Variants in SPMAP2L observed in about 807,000 individuals in gnomAD.
The protein encoded by SPMAP2L is sperm microtubule associated protein 2 like.
chr4:56,548,790 C>G, the SPMAP2L span: 2 of 1,490,568 alleles, frequency 1.3e-6, no homozygotes, highest in Non-Finnish European at 1.8e-6. Context: ...TTTCTTTTAG[C>G]AAATCCTGTT....
chr4:56,572,921 CAGG>C, the SPMAP2L span, among the ~76,000 whole-genome samples: 2 of 151,394 alleles, frequency 1.3e-5, no homozygotes, highest in Non-Finnish European at 1.5e-5. Context: ...GAAGCTGAGG[CAGG>C]AGAATTCCTT....
the SPMAP2L span, among the ~76,000 whole-genome samples, chr4:56,590,843 A>T: frequency 2.7e-3 from 412 of 152,348 alleles, 7 homozygotes; most frequent in East Asian, 0.052. Flanking sequence ...GAGAGGACAG[A>T]CAGCTTTATT....
the SPMAP2L span, among the ~76,000 whole-genome samples, chr4:56,590,083 T>G: frequency 6.6e-6 from 1 of 152,170 alleles, no homozygotes; most frequent in African/African-American, 2.4e-5. Context: ...TGGGCATCCT[T>G]GTATTGTTTC....
chr4:56,582,687 A>G, the SPMAP2L span, among the ~76,000 whole-genome samples: 1 of 152,218 alleles, frequency 6.6e-6, no homozygotes, highest in South Asian at 2.1e-4. Flanking sequence ...TAGAGTTATT[A>G]TATAAGCCAG....
chr4:56,544,323 A>G, the SPMAP2L span, among the ~76,000 whole-genome samples: 7 of 152,158 alleles, frequency 4.6e-5, no homozygotes, highest in African/African-American at 1.7e-4. Flanking sequence ...CTTTGTTGAG[A>G]AAATAAAGCA....
the SPMAP2L span, among the ~76,000 whole-genome samples, chr4:56,608,451 C>G: frequency 2.0e-5 from 3 of 152,288 alleles, no homozygotes; most frequent in East Asian, 5.8e-4. Flanking sequence ...AGAATGACCC[C>G]TAAGGTATTT....
At chr4:56,602,078 T>A in the SPMAP2L span, among the ~76,000 whole-genome samples, 2 of 152,146 alleles carry the variant, frequency 1.3e-5, no homozygotes, top group Non-Finnish European at 2.9e-5. Context: ...ATCATGTACG[T>A]GTATGGCCTA....
the SPMAP2L span, among the ~76,000 whole-genome samples, chr4:56,608,458 A>G: frequency 6.6e-6 from 1 of 152,144 alleles, no homozygotes; most frequent in Non-Finnish European, 1.5e-5. Context: ...CCCCTAAGGT[A>G]TTTTGGAGAT....
the SPMAP2L span, among the ~76,000 whole-genome samples, chr4:56,619,553 C>T: frequency 0.032 from 4,822 of 152,234 alleles, 160 homozygotes; most frequent in African/African-American, 0.081. Context: ...TCCATATTGT[C>T]GCATGAGGCA....
chr4:56,567,916 T>G, the SPMAP2L span, among the ~76,000 whole-genome samples: 1 of 152,076 alleles, frequency 6.6e-6, no homozygotes, highest in African/African-American at 2.4e-5. Context: ...CTTTCAGTTA[T>G]TATTATTTCA....
chr4:56,578,961 A>G, the SPMAP2L span, among the ~76,000 whole-genome samples: 153 of 152,150 alleles, frequency 1.0e-3, no homozygotes, highest in African/African-American at 3.5e-3. Flanking sequence ...AACTATAAAC[A>G]TACATGCACC....
the SPMAP2L span, among the ~76,000 whole-genome samples, chr4:56,611,859 C>A: frequency 6.6e-6 from 1 of 152,156 alleles, no homozygotes; most frequent in African/African-American, 2.4e-5. Context: ...TAGTTAACCC[C>A]CTTCAACTTC....
the SPMAP2L span, chr4:56,594,899 T>TTCACAAGACCCAAATGTCTTCA: frequency 1.9e-6 from 3 of 1,611,364 alleles, no homozygotes; most frequent in Middle Eastern, 2.0e-4. Flanking sequence ...GTCTGATGTC[T>TTCACAAGACCCAAATGTCTTCA]CGCACCTAAA....
the SPMAP2L span, chr4:56,596,618 T>G: frequency 6.6e-7 from 1 of 1,523,118 alleles, no homozygotes; most frequent in East Asian, 2.5e-5. Context: ...AGAAGTGAAC[T>G]GCCCATCCGT....
At chr4:56,547,847 A>G in the SPMAP2L span, among the ~76,000 whole-genome samples, 2 of 152,176 alleles carry the variant, frequency 1.3e-5, no homozygotes, top group Non-Finnish European at 2.9e-5. Flanking sequence ...AAAAAACAAA[A>G]AAACCCAGCT....
the SPMAP2L span, chr4:56,530,720 TGACCGATG>T: frequency 6.5e-7 from 1 of 1,535,244 alleles, no homozygotes. Context: ...CCGTCCGAGG[TGACCGATG>T]GGCAGGTCTC....
At chr4:56,545,648 G>A in the SPMAP2L span, among the ~76,000 whole-genome samples, 1 of 150,402 alleles carries the variant, frequency 6.6e-6, no homozygotes, top group Non-Finnish European at 1.5e-5. Flanking sequence ...TTGAACTGGG[G>A]AGGTGGAGGT....
chr4:56,594,150 C>T, the SPMAP2L span: 1 of 1,611,646 alleles, frequency 6.2e-7, no homozygotes, highest in Non-Finnish European at 8.5e-7. Context: ...GAACTGGTTG[C>T]TGAAAGCATG....
At chr4:56,550,363 G>C in the SPMAP2L span, among the ~76,000 whole-genome samples, 4 of 151,464 alleles carry the variant, frequency 2.6e-5, no homozygotes, top group African/African-American at 9.8e-5. Flanking sequence ...TTTGTGTAAT[G>C]GTTTTCAGTT....
Sources: allele counts gnomAD v4.1 joint callset (sites outside exome capture counted in the v4.1 genomes callset), GRCh38; gene constraint gnomAD v4.1.1; transcripts MANE v1.5; gene names NCBI Gene and HGNC (gene_info 2026-07-23, HGNC 2026-07-21).